SV2C: variants seen among roughly 807,000 people sequenced by gnomAD.
The protein encoded by SV2C is solute carrier family 22 member B3.
In SV2C, 49 loss-of-function variants were observed where a neutral mutation model predicts 79.7. That is an observed-to-expected ratio of 0.61 (90% CI 0.49 to 0.78). SV2C has a LOEUF of 0.78. Ranked by LOEUF, SV2C falls within the 30% of genes least tolerant of loss-of-function variation. The pLI is 0.00. For synonymous variants in SV2C, 334 were observed against 333.2 expected (o/e 1.00, Z -0.03); for missense variants, 833 against 912.9 (o/e 0.91, Z 1.13).
intron 2 of SV2C, among the ~76,000 whole-genome samples, chr5:76,184,489 C>G (rs4640774): frequency 0.7 from 105,904 of 152,072 alleles, 38,224 homozygotes; most frequent in East Asian, 0.91. Flanking sequence ...AAAGAAATAA[C>G]TGAGACTGAA....
the SV2C span, among the ~76,000 whole-genome samples, chr5:75,962,386 G>A: frequency 2.0e-5 from 3 of 152,188 alleles, no homozygotes; most frequent in East Asian, 5.8e-4. Flanking sequence ...AAGAGTATTA[G>A]AATATTAGTA....
At chr5:76,047,383 T>G in the SV2C span, among the ~76,000 whole-genome samples, 1 of 152,200 alleles carries the variant, frequency 6.6e-6, no homozygotes, top group African/African-American at 2.4e-5. Flanking sequence ...GTGTGGCTTA[T>G]TTTATCCAAC....
the SV2C span, among the ~76,000 whole-genome samples, chr5:75,900,155 A>T: frequency 6.6e-5 from 10 of 152,158 alleles, no homozygotes; most frequent in Admixed American, 5.2e-4. Flanking sequence ...GTTCCTTCCT[A>T]GCCTCGATGG....
rs570060379 is a variant in SV2C at position 76,175,043 on chromosome 5, TGA to T, written c.581-19870_581-19869del. ...GAAATCTCAGACCCCTCACAGTTCT[TGA>T]GAGAGGCAGAAGGGGAAGGGAAGGA... On this transcript the variant is annotated intron_variant, in intron 2 of 12. Transcript: ENST00000502798. Among the ~76,000 whole-genome samples the T allele has an allele frequency of 2.1e-3, 327 of 152,222 alleles. 1 individual carries two copies. The highest frequency in any genetic ancestry group is 6.8e-3 in the Middle Eastern group (2 of 294).
the SV2C span, among the ~76,000 whole-genome samples, chr5:76,012,607 T>C: frequency 6.6e-6 from 1 of 152,256 alleles, no homozygotes; most frequent in Non-Finnish European, 1.5e-5. Flanking sequence ...CTCTTTAGTT[T>C]AATTAGATCC....
At chr5:76,307,716 T>C (rs936537701) in intron 12 of SV2C, among the ~76,000 whole-genome samples, 8 of 152,234 alleles carry the variant, frequency 5.3e-5, no homozygotes, top group Non-Finnish European at 1.2e-4. Context: ...TTCTTCACTT[T>C]AGATAGTTTC....
chr5:76,353,346 C>G (rs569812290), exon 13 of SV2C: 5 of 230,362 alleles, frequency 2.2e-5, no homozygotes, highest in African/African-American at 1.2e-4. Context: ...TGTCTTTTTT[C>G]TCTCTCTTTT....
intron 1 of SV2C, among the ~76,000 whole-genome samples, chr5:76,090,779 A>C (rs569447330): frequency 1.3e-5 from 2 of 152,332 alleles, no homozygotes; most frequent in South Asian, 2.1e-4. Context: ...TGTATGCAAG[A>C]TAAGTAGTGA....
rs1326487559 is a variant in SV2C at position 76,300,749 on chromosome 5, A to T, written c.1657A>T (p.Ile553Phe). 2 of 1,614,100 alleles carry T rather than the reference A, an allele frequency of 1.2e-6. No individual in the cohort carries two copies. Among genetic ancestry groups the T allele is most frequent in the Non-Finnish European group, 1.7e-6 (2 of 1,179,960 alleles). The stretch of plus-strand genomic sequence containing the variant: ...TACAGATTTTGAGCCATATAAATTC[A>T]TTGACAGTGAATTTAAAAACTGCTC... ...DNTDFEPYKF[I>F]DSEFKNCSFF... Residue 553 changes from isoleucine to phenylalanine, a missense_variant, in exon 11 of 13, where the codon ATT becomes TTT. Transcript: ENST00000502798.
chr5:76,351,603 G>A (rs1314754898), intron 12 of SV2C, among the ~76,000 whole-genome samples: 1 of 152,206 alleles, frequency 6.6e-6, no homozygotes, highest in Admixed American at 6.5e-5. Flanking sequence ...TGTCTCAGCA[G>A]GGAATTGCTT....
At chr5:75,932,890 G>A in the SV2C span, among the ~76,000 whole-genome samples, 1 of 152,218 alleles carries the variant, frequency 6.6e-6, no homozygotes, top group African/African-American at 2.4e-5. Flanking sequence ...TCTTCCACAG[G>A]GGCTGATACA....
intron 4 of SV2C, among the ~76,000 whole-genome samples, chr5:76,248,766 G>A (rs1579986012): frequency 6.6e-6 from 1 of 151,944 alleles, no homozygotes; most frequent in East Asian, 1.9e-4. Flanking sequence ...TTACAAGCAT[G>A]CACCACCACG....
the SV2C span, among the ~76,000 whole-genome samples, chr5:75,999,331 T>A: frequency 9.5e-6 from 1 of 105,650 alleles, no homozygotes; most frequent in Non-Finnish European, 2.1e-5. Context: ...CACATATATA[T>A]AGGAAGAGAG....
chr5:76,305,774 G>A (rs1341454745), intron 12 of SV2C, among the ~76,000 whole-genome samples: 1 of 152,148 alleles, frequency 6.6e-6, no homozygotes, highest in East Asian at 1.9e-4. Flanking sequence ...CAAAACCTCA[G>A]TATCAAAAAT....
At chr5:76,031,530 G>A in the SV2C span, among the ~76,000 whole-genome samples, 1 of 152,326 alleles carries the variant, frequency 6.6e-6, no homozygotes, top group Non-Finnish European at 1.5e-5. Flanking sequence ...GCATCATCAA[G>A]TGGCTTGTAG....
At position 76,088,128 on chromosome 5, in the gene SV2C, C is replaced by T. The variant is rs187739883; in HGVS notation, c.-102+4616C>T. Among the ~76,000 whole-genome samples the T allele has an allele frequency of 4.6e-5, 7 of 152,246 alleles. No homozygotes were observed. In the East Asian group the frequency reaches 1.4e-3, roughly 29 times the overall value. ...CATCAGTCTCCTTCTGCAACCTGCC[C>T]CCGCTTACCTCTAATATATTAACTC... On this transcript the variant is annotated intron_variant, in intron 1 of 12. Transcript: ENST00000502798.
At chr5:75,962,817 A>G in the SV2C span, among the ~76,000 whole-genome samples, 1 of 152,134 alleles carries the variant, frequency 6.6e-6, no homozygotes, top group Non-Finnish European at 1.5e-5. Flanking sequence ...TCTAAACCAC[A>G]TAGACTGAGA....
chr5:76,241,559 T>C (rs1745786334), intron 4 of SV2C, among the ~76,000 whole-genome samples: 1 of 152,168 alleles, frequency 6.6e-6, no homozygotes, highest in South Asian at 2.1e-4. Flanking sequence ...CTCAGTGGCA[T>C]CACTGGAAAG....
At chr5:76,069,685 A>C in the SV2C span, among the ~76,000 whole-genome samples, 1 of 152,176 alleles carries the variant, frequency 6.6e-6, no homozygotes, top group Non-Finnish European at 1.5e-5. Context: ...CTGAGAGTTC[A>C]GCCATCTCCT....
Sources: allele counts gnomAD v4.1 joint callset (sites outside exome capture counted in the v4.1 genomes callset), GRCh38; gene constraint gnomAD v4.1.1; transcripts MANE v1.5; gene names NCBI Gene and HGNC (gene_info 2026-07-23, HGNC 2026-07-21).